The following ADK variants were observed in gnomAD, a reference collection of about 807,000 sequenced individuals.
The protein encoded by ADK is adenosine kinase.
In ADK, 24 loss-of-function variants were observed where a neutral mutation model predicts 44.7. The ratio of observed to expected loss-of-function variants is 0.54; its 90% CI spans 0.39 to 0.76. The LOEUF (loss-of-function observed/expected upper bound fraction) is 0.76, where lower values mean the gene tolerates loss of function less well. Among genes scored for constraint, ADK ranks in the 30% least tolerant of loss-of-function variants. The probability of loss-of-function intolerance (pLI) is 0.00; values close to 1 mark genes in which losing one functional copy is unlikely to be tolerated. For synonymous variants in ADK, 128 were observed against 142.6 expected, an observed-to-expected ratio of 0.90 and a Z score of 0.73; for missense variants, 321 against 425.1, an observed-to-expected ratio of 0.76 and a Z score of 2.15.
chr10:74,493,009 T>C (rs1342264381), intron 6 of ADK, among the ~76,000 whole-genome samples: 1 of 152,184 alleles, frequency 6.6e-6, no homozygotes, highest in Non-Finnish European at 1.5e-5. Context: ...AGACAGTTAT[T>C]ACTATGGAGA....
At chr10:74,462,638 A>G (rs765365189) in intron 6 of ADK, among the ~76,000 whole-genome samples, 34 of 152,200 alleles carry the variant, frequency 2.2e-4, no homozygotes, top group Non-Finnish European at 2.1e-4. Context: ...AAAGAACAAG[A>G]TAGTCTCTTG....
chr10:74,384,207 T>C (rs993468693), intron 4 of ADK, among the ~76,000 whole-genome samples: 1 of 152,204 alleles, frequency 6.6e-6, no homozygotes, highest in Admixed American at 6.5e-5. Context: ...TGTTCACTTA[T>C]TTGACAATTA....
At chr10:74,623,348 C>G (rs1853066743) in intron 9 of ADK, among the ~76,000 whole-genome samples, 1 of 152,158 alleles carries the variant, frequency 6.6e-6, no homozygotes. Context: ...TAAAGGATCA[C>G]TGGCTGATTC....
intron 4 of ADK, among the ~76,000 whole-genome samples, chr10:74,361,490 A>G (rs948123381): frequency 2.6e-5 from 4 of 152,034 alleles, no homozygotes; most frequent in Admixed American, 6.5e-5. Context: ...CTTTGATTGG[A>G]AAAAAAACAC....
chr10:74,292,305 C>G (rs184804673), intron 3 of ADK, among the ~76,000 whole-genome samples: 1 of 152,088 alleles, frequency 6.6e-6, no homozygotes, highest in African/African-American at 2.4e-5. Flanking sequence ...ATGTGGTAGT[C>G]GGTGTATAGG....
In ADK at chr10:74,303,588, G is replaced by GTTTTT. The variant is rs1185036462; in HGVS notation, c.195-11057_195-11053dup. Among the ~76,000 whole-genome samples, 16 of 68,576 alleles carry GTTTTT rather than the reference G, an allele frequency of 2.3e-4. 2 individuals are homozygous for GTTTTT. Among genetic ancestry groups the GTTTTT allele is most frequent in the African/African-American group, 9.4e-4 (12 of 12,700 alleles). 45.0% of individuals were successfully genotyped at this position (68,576 alleles called of 152,430 possible). ...CACTTTTCATATTGGTTTTAATGTT[G>GTTTTT]TTTTTTTTTTTTTTTTTTTTTTTTT... On this transcript the variant is annotated intron_variant, in intron 3 of 10. Transcript: ENST00000539909.
intron 6 of ADK, among the ~76,000 whole-genome samples, chr10:74,522,038 C>T (rs2133599871): frequency 6.6e-6 from 1 of 152,230 alleles, no homozygotes; most frequent in South Asian, 2.1e-4. Flanking sequence ...GAAAAAGTAA[C>T]ATATTTTCCT....
intron 10 of ADK, among the ~76,000 whole-genome samples, chr10:74,671,617 G>A (rs954275964): frequency 2.6e-4 from 39 of 152,132 alleles, no homozygotes; most frequent in Admixed American, 5.2e-4. Context: ...AGCTATAGAT[G>A]TATGTAGGCT....
intron 7 of ADK, among the ~76,000 whole-genome samples, chr10:74,555,700 A>C (rs184932262): frequency 2.6e-5 from 4 of 152,296 alleles, no homozygotes; most frequent in African/African-American, 9.6e-5. Context: ...AATGCAAGAC[A>C]ATCAGAGACT....
At chr10:74,626,409 C>T (rs994820400) in intron 9 of ADK, among the ~76,000 whole-genome samples, 9 of 151,630 alleles carry the variant, frequency 5.9e-5, no homozygotes, top group Middle Eastern at 3.2e-3. Flanking sequence ...AAGCGATTCT[C>T]CTGCCTCAGC....
chr10:74,397,975 T>G (rs1365605958), intron 5 of ADK, among the ~76,000 whole-genome samples: 2 of 152,236 alleles, frequency 1.3e-5, no homozygotes, highest in African/African-American at 4.8e-5. Flanking sequence ...ACAAATTAAT[T>G]CCTCTTAGCG....
intron 9 of ADK, chr10:74,655,720 C>T (rs1388766317): frequency 1.0e-5 from 5 of 485,768 alleles, no homozygotes; most frequent in African/African-American, 9.9e-5. Context: ...CTGAGCCTCA[C>T]CAAGGAGGAG....
intron 7 of ADK, among the ~76,000 whole-genome samples, chr10:74,567,490 C>T (rs572321878): frequency 1.6e-4 from 24 of 152,206 alleles, no homozygotes; most frequent in African/African-American, 5.8e-4. Context: ...TTAGTACTTT[C>T]CACTCCTCTG....
In ADK at chr10:74,628,223, C is replaced by A. The variant is rs80292103; in HGVS notation, c.877+27730C>A. On this transcript the variant is annotated intron_variant, in intron 9 of 10. Coordinates refer to ENST00000539909, the MANE Select transcript of ADK (RefSeq NM_006721.4). ...TCAGGCTCAAAGCATCAGCTTTTTT[C>A]TTCTAGTTTTTCTAGGTTTTACTTA... Among the ~76,000 whole-genome samples, 513 of 152,210 alleles carry A rather than the reference C, an allele frequency of 3.4e-3. 7 individuals carry two copies. Among genetic ancestry groups the A allele is most frequent in the Non-Finnish European group, 5.4e-3 (367 of 67,990 alleles).
At chr10:74,705,622 T>G (rs1856576358) in intron 10 of ADK, among the ~76,000 whole-genome samples, 1 of 152,232 alleles carries the variant, frequency 6.6e-6, no homozygotes, top group South Asian at 2.1e-4. Context: ...AGTCTTTGTG[T>G]GGATATGTGC....
chr10:74,302,090 G>GGTTTTTTTTTTTT (rs1840055915), intron 3 of ADK, among the ~76,000 whole-genome samples: 1 of 17,032 alleles, frequency 5.9e-5, no homozygotes, highest in African/African-American at 2.6e-4. Flanking sequence ...TTTCTTTTCT[G>GGTTTTTTTTTTTT]TTTTTTTTTT....
intron 3 of ADK, among the ~76,000 whole-genome samples, chr10:74,242,882 C>T (rs1032596951): frequency 6.6e-6 from 1 of 152,150 alleles, no homozygotes; most frequent in Non-Finnish European, 1.5e-5. Context: ...GGGAAGACCA[C>T]CTACTCTTCC....
At chr10:74,443,261 A>G (rs1386283704) in intron 6 of ADK, among the ~76,000 whole-genome samples, 1 of 152,204 alleles carries the variant, frequency 6.6e-6, no homozygotes, top group African/African-American at 2.4e-5. Context: ...ATATCAAAAC[A>G]TCATATTTTA....
chr10:74,355,227 T>C (rs375168602), intron 4 of ADK, among the ~76,000 whole-genome samples: 7 of 152,360 alleles, frequency 4.6e-5, no homozygotes, highest in South Asian at 4.1e-4. Flanking sequence ...TTTCTGCTAA[T>C]GTTCTTGTGA....
Sources: allele counts gnomAD v4.1 joint callset (sites outside exome capture counted in the v4.1 genomes callset), GRCh38; gene constraint gnomAD v4.1.1; transcripts MANE v1.5; gene names NCBI Gene and HGNC (gene_info 2026-07-23, HGNC 2026-07-21).